OPCML: variants seen among roughly 807,000 people sequenced by gnomAD.
OPCML encodes the protein opioid binding protein/cell adhesion molecule like.
Under a neutral mutation model 37.8 loss-of-function variants are expected in OPCML, and 13 were observed. The ratio of observed to expected loss-of-function variants is 0.34; its 90% CI spans 0.22 to 0.55. The LOEUF is 0.55. OPCML is among the 20% of genes least tolerant of loss of function. The probability of loss-of-function intolerance (pLI) is 0.91; values close to 1 mark genes in which losing one functional copy is unlikely to be tolerated. For synonymous variants in OPCML, 176 were observed against 168.8 expected, an observed-to-expected ratio of 1.04 and a Z score of -0.33; for missense variants, 341 against 435.6, an observed-to-expected ratio of 0.78 and a Z score of 1.93.
chr11:133,499,365 C>T (rs1430578924), intron 1 of OPCML, among the ~76,000 whole-genome samples: 2 of 152,212 alleles, frequency 1.3e-5, no homozygotes, highest in South Asian at 4.1e-4. Context: ...AATATTTTCT[C>T]CTGCTATCCA....
chr11:133,177,600 A>T lies in OPCML; in HGVS notation c.62-234590T>A, dbSNP rs1937626130. On this transcript the variant is annotated intron_variant, in intron 1 of 7. Transcript: ENST00000524381. This position sits in a 1 kb window ranked among gnomAD's most constrained non-coding sequence, Gnocchi z 5.0. ...AGTGGCAATAAAAAATGTGAATACA[A>T]CTCCAGTTCTGTACCCGACCCTGCC... Among the ~76,000 whole-genome samples, 1 of 152,074 alleles carries T rather than the reference A, an allele frequency of 6.6e-6. No individual in the cohort carries two copies. The highest frequency in any genetic ancestry group is 2.4e-5 in the African/African-American group (1 of 41,408).
chr11:132,468,452 T>C (rs1165033783), intron 4 of OPCML, among the ~76,000 whole-genome samples: 2 of 152,266 alleles, frequency 1.3e-5, no homozygotes, highest in East Asian at 3.8e-4. Flanking sequence ...GTTTGTGATC[T>C]GCACTCGTTA....
intron 4 of OPCML, among the ~76,000 whole-genome samples, chr11:132,486,618 T>C (rs141686912): frequency 1.7e-3 from 263 of 152,318 alleles, no homozygotes; most frequent in Middle Eastern, 6.8e-3. Context: ...CATAAATTTA[T>C]TTTTCTGGGA....
chr11:133,505,880 T>C (rs1051583452), intron 1 of OPCML, among the ~76,000 whole-genome samples: 5 of 152,146 alleles, frequency 3.3e-5, no homozygotes, highest in Non-Finnish European at 7.3e-5. Context: ...CGGCCGACCT[T>C]CCTCATCAGT....
chr11:132,942,938 C>T lies in OPCML; in HGVS notation c.134G>A (p.Ser45Asn). 6.2e-7 allele frequency: 1 copy of T among 1,614,092 alleles called. No individual in the cohort carries two copies. Among genetic ancestry groups the T allele is most frequent in the Non-Finnish European group, 8.5e-7 (1 of 1,179,974 alleles). ...MDNVTVRQGE[S>N]ATLRCTIDDR... ...GACAGCTCCCTACCTGAGGGTGGCG[C>T]TCTCCCCCTGCCGGACCGTCACGTT... is the stretch of plus-strand genomic sequence containing the variant. The change falls in exon 2 of 8, where the codon AGC becomes AAC. Residue 45 changes from serine to asparagine, a missense_variant. Coordinates refer to ENST00000524381, the MANE Select transcript of OPCML (RefSeq NM_001012393.5).
In OPCML at chr11:132,876,703, C is replaced by G. The variant is rs541085603; in HGVS notation, c.146+66223G>C. 1.9e-4 allele frequency among the ~76,000 whole-genome samples: 29 copies of G among 152,206 alleles called. 1 individual carries two copies. In the South Asian group the frequency reaches 5.8e-3, roughly 31 times the overall value. ...GGCAAGGCCCCGGATGAGCTATCAC[C>G]CCAGTTTTATCTTGCCCTGCCCAAA... On this transcript the variant is annotated intron_variant, in intron 2 of 7. Transcript: ENST00000524381.
intron 1 of OPCML, among the ~76,000 whole-genome samples, chr11:133,249,339 C>T (rs1192908264): frequency 6.6e-6 from 1 of 152,088 alleles, no homozygotes; most frequent in Non-Finnish European, 1.5e-5. Flanking sequence ...TTTGAACGAT[C>T]AGTTCTGGTG....
Position 132,967,246 on chromosome 11 carries a change from ATACT to A in OPCML, c.62-24240_62-24237del, listed in dbSNP as rs1360676839. The stretch of plus-strand genomic sequence containing the variant: ...ACTTATCAGAATCTACTTCAGATTT[ATACT>A]TACTTAATGCCAGTGAGACATAGAA... On this transcript the variant is annotated intron_variant, in intron 1 of 7. Transcript: ENST00000524381. Among the ~76,000 whole-genome samples, 6 of 152,220 alleles carry A rather than the reference ATACT, an allele frequency of 3.9e-5. No homozygotes were observed. The East Asian group carries it at 5.8e-4, about 15-fold the overall frequency.
intron 2 of OPCML, among the ~76,000 whole-genome samples, chr11:132,931,864 G>A (rs998665219): frequency 1.3e-5 from 2 of 152,194 alleles, no homozygotes; most frequent in Non-Finnish European, 2.9e-5. Flanking sequence ...AAGAGTGAAT[G>A]CAATCCAAGC....
intron 1 of OPCML, among the ~76,000 whole-genome samples, chr11:133,025,726 A>ATTTTTT (rs869296316): frequency 2.5e-4 from 23 of 91,312 alleles, no homozygotes; most frequent in South Asian, 3.9e-4. Flanking sequence ...TGCCGATTTG[A>ATTTTTT]TTTTTTTTTT....
At chr11:133,288,705 A>G (rs1942372238) in intron 1 of OPCML, among the ~76,000 whole-genome samples, 3 of 152,158 alleles carry the variant, frequency 2.0e-5, no homozygotes. Context: ...AAGCCCCTGA[A>G]CACCACTGGT....
chr11:132,473,710 C>T (rs2096145311), intron 4 of OPCML, among the ~76,000 whole-genome samples: 1 of 152,028 alleles, frequency 6.6e-6, no homozygotes, highest in Non-Finnish European at 1.5e-5. Flanking sequence ...CCTGTGGTCC[C>T]AGCTACTCAG....
At chr11:133,417,419 T>G (rs1945792405) in intron 1 of OPCML, among the ~76,000 whole-genome samples, 1 of 152,148 alleles carries the variant, frequency 6.6e-6, no homozygotes, top group South Asian at 2.1e-4. Flanking sequence ...AATGCATAAT[T>G]TGCCCAAGAT....
chr11:132,907,629 CAAA>C (rs36051091), intron 2 of OPCML, among the ~76,000 whole-genome samples: 3 of 122,730 alleles, frequency 2.4e-5, no homozygotes, highest in African/African-American at 6.1e-5. Context: ...AACTCTGTCT[CAAA>C]AAAAAAAAAA....
intron 1 of OPCML, chr11:133,025,444 G>A: frequency 1.0e-6 from 1 of 985,352 alleles, no homozygotes; most frequent in Non-Finnish European, 1.2e-6. Context: ...TAACTGTATT[G>A]AAGAAATCCA....
At chr11:132,557,781 A>G (rs1469385409) in intron 3 of OPCML, among the ~76,000 whole-genome samples, 2 of 149,018 alleles carry the variant, frequency 1.3e-5, no homozygotes, top group Non-Finnish European at 3.0e-5. Flanking sequence ...AGAAGGTGAT[A>G]AGTACACACA....
At chr11:133,430,179 A>G (rs924291664) in intron 1 of OPCML, among the ~76,000 whole-genome samples, 1 of 152,184 alleles carries the variant, frequency 6.6e-6, no homozygotes, top group African/African-American at 2.4e-5. Context: ...GCCAATGGAG[A>G]TAATAATGGG....
intron 2 of OPCML, among the ~76,000 whole-genome samples, chr11:132,716,904 T>C (rs1413230329): frequency 6.6e-6 from 1 of 152,124 alleles, no homozygotes; most frequent in Non-Finnish European, 1.5e-5. Flanking sequence ...TTTTTAGAAC[T>C]ATCCCAATAG....
intron 1 of OPCML, among the ~76,000 whole-genome samples, chr11:133,271,094 G>T (rs930551646): frequency 1.3e-5 from 2 of 152,174 alleles, no homozygotes; most frequent in Non-Finnish European, 1.5e-5. Flanking sequence ...GGAATGCCTG[G>T]ATTCATCATT....
Sources: gnomAD v4.1 joint callset for allele counts (sites outside exome capture counted in the v4.1 genomes callset) on GRCh38, gnomAD v4.1.1 for gene constraint, Gnocchi (gnomAD v3.1) non-coding constraint, MANE v1.5 for transcripts, NCBI Gene and HGNC (gene_info 2026-07-23, HGNC 2026-07-21) for gene names.